The following SPIDR variants were observed in gnomAD, a reference collection of about 807,000 sequenced individuals.
SPIDR encodes scaffold protein involved in DNA repair.
In SPIDR, 93 loss-of-function variants were observed where a neutral mutation model predicts 104.6. The ratio of observed to expected loss-of-function variants is 0.89; its 90% confidence interval spans 0.75 to 1.06. The LOEUF (loss-of-function observed/expected upper bound fraction) is 1.06, where lower values mean the gene tolerates loss of function less well. SPIDR is among the 50% of genes least tolerant of loss of function. The pLI, the probability that SPIDR is intolerant of heterozygous loss-of-function variation, is 0.00. For synonymous variants in SPIDR, 431 were observed against 416.9 expected (o/e 1.03, Z -0.41); for missense variants, 1,154 against 1,111.2 (o/e 1.04, Z -0.55).
At chr8:47,523,981 C>G (rs913630948) in intron 8 of SPIDR, among the ~76,000 whole-genome samples, 1 of 152,092 alleles carries the variant, frequency 6.6e-6, no homozygotes, top group Non-Finnish European at 1.5e-5. Flanking sequence ...ATTAAGTGTC[C>G]TGAAGTGTCG....
chr8:47,466,132 A>C (rs1363843804), intron 8 of SPIDR, among the ~76,000 whole-genome samples: 1 of 152,170 alleles, frequency 6.6e-6, no homozygotes, highest in Non-Finnish European at 1.5e-5. Flanking sequence ...GAAAATTAAC[A>C]AAGATGTTCA....
intron 5 of SPIDR, among the ~76,000 whole-genome samples, chr8:47,321,467 A>C (rs1554595410): frequency 6.6e-6 from 1 of 152,204 alleles, no homozygotes; most frequent in Non-Finnish European, 1.5e-5. Context: ...ACAGAAGAAC[A>C]TTCCATGCTC....
chr8:47,505,597 G>A (rs370710796), intron 8 of SPIDR, among the ~76,000 whole-genome samples: 5 of 152,244 alleles, frequency 3.3e-5, no homozygotes, highest in African/African-American at 1.2e-4. Context: ...GTGAGGCAGT[G>A]CCTCGCCCTG....
intron 7 of SPIDR, among the ~76,000 whole-genome samples, chr8:47,428,859 C>G (rs2066867007): frequency 1.3e-5 from 2 of 152,212 alleles, no homozygotes; most frequent in Admixed American, 1.3e-4. Flanking sequence ...CCCCTTTCCT[C>G]TGGGGTCAGG....
intron 9 of SPIDR, 149 bp downstream of exon 9, chr8:47,596,155 C>T (rs981255597): frequency 3.6e-5 from 23 of 645,510 alleles, no homozygotes; most frequent in Middle Eastern, 3.7e-4. Context: ...CTTACTGTTA[C>T]GCCTGAATAT....
At chr8:47,611,408 G>C (rs1444528753) in intron 10 of SPIDR, among the ~76,000 whole-genome samples, 1 of 152,060 alleles carries the variant, frequency 6.6e-6, no homozygotes, top group Admixed American at 6.6e-5. Flanking sequence ...TGTTTATAAA[G>C]AAAATAGAGG....
chr8:47,422,334 G>T (rs12680669), intron 7 of SPIDR, among the ~76,000 whole-genome samples: 79,650 of 151,902 alleles, frequency 0.52, 24,593 homozygotes, highest in East Asian at 0.72. Context: ...CAGCCTCACT[G>T]CCCCCTTGCA....
At chr8:47,409,349 T>A (rs1392347412) in intron 7 of SPIDR, among the ~76,000 whole-genome samples, 2 of 152,176 alleles carry the variant, frequency 1.3e-5, no homozygotes, top group African/African-American at 2.4e-5. Flanking sequence ...CTGAAAACTC[T>A]TGTTTTTCAA....
intron 19 of SPIDR, chr8:47,731,983 GCA>G: frequency 1.7e-6 from 1 of 598,892 alleles, no homozygotes; most frequent in Non-Finnish European, 3.0e-6. Context: ...CTTGGGCATG[GCA>G]CACAGCTCTC....
chr8:47,538,857 C>CTTTTTTTTTT (rs1161571829), intron 8 of SPIDR, among the ~76,000 whole-genome samples: 3 of 100,866 alleles, frequency 3.0e-5, no homozygotes, highest in African/African-American at 3.7e-5. Flanking sequence ...TTTTTCTTTT[C>CTTTTTTTTTT]TTTTTTTTTT....
chr8:47,678,426 T>C (rs1338658727), intron 11 of SPIDR, among the ~76,000 whole-genome samples: 2 of 152,158 alleles, frequency 1.3e-5, no homozygotes, highest in East Asian at 1.9e-4. Flanking sequence ...AGAGAAGTGG[T>C]ACATAGGGAG....
intron 10 of SPIDR, among the ~76,000 whole-genome samples, chr8:47,646,786 G>A (rs529612773): frequency 6.8e-4 from 103 of 152,252 alleles, no homozygotes; most frequent in African/African-American, 1.9e-3. Context: ...GAGCTGGACA[G>A]AGGGAAATTT....
chr8:47,580,198 T>C (rs536851906), intron 8 of SPIDR, among the ~76,000 whole-genome samples: 2 of 152,306 alleles, frequency 1.3e-5, no homozygotes, highest in East Asian at 3.9e-4. Flanking sequence ...CTGCTAATGA[T>C]TGTGATTCTT....
intron 5 of SPIDR, among the ~76,000 whole-genome samples, chr8:47,365,448 C>G (rs1293547151): frequency 6.6e-6 from 1 of 152,178 alleles, no homozygotes; most frequent in Non-Finnish European, 1.5e-5. Flanking sequence ...CGGGTCTTTC[C>G]GAGCAACATG....
intron 8 of SPIDR, among the ~76,000 whole-genome samples, chr8:47,486,713 A>C (rs2077691218): frequency 1.3e-5 from 2 of 152,234 alleles, no homozygotes; most frequent in Admixed American, 1.3e-4. Context: ...CTTAAAGAAA[A>C]GAATTTTCAA....
chr8:47,334,990 A>G (rs528298248), intron 5 of SPIDR, among the ~76,000 whole-genome samples: 3 of 152,312 alleles, frequency 2.0e-5, no homozygotes, highest in East Asian at 1.9e-4. Context: ...ACACTGTTAC[A>G]CATTTACAGA....
intron 8 of SPIDR, among the ~76,000 whole-genome samples, chr8:47,459,546 T>C (rs577442025): frequency 5.4e-4 from 82 of 152,284 alleles, no homozygotes; most frequent in Middle Eastern, 3.4e-3. Context: ...TTAATCTTGC[T>C]AATGATCTGT....
chr8:47,667,261 A>G (rs1039851974), intron 10 of SPIDR, among the ~76,000 whole-genome samples: 3 of 152,126 alleles, frequency 2.0e-5, no homozygotes, highest in Non-Finnish European at 4.4e-5. Flanking sequence ...AGCCTGGGCA[A>G]CAGAGGGAGA....
chr8:47,637,085 A>G (rs1187604291), intron 10 of SPIDR, among the ~76,000 whole-genome samples: 2 of 152,160 alleles, frequency 1.3e-5, no homozygotes, highest in East Asian at 1.9e-4. Context: ...TTAATTAACT[A>G]AAGTATGTAC....
Sources: gnomAD v4.1 joint callset for allele counts (sites outside exome capture counted in the v4.1 genomes callset) on GRCh38, gnomAD v4.1.1 for gene constraint, MANE v1.5 for transcripts, NCBI Gene and HGNC (gene_info 2026-07-23, HGNC 2026-07-21) for gene names.